Variants in ULK4 observed in about 807,000 individuals in gnomAD.
The protein encoded by ULK4 is inactive serine/threonine-protein kinase ULK4.
In ULK4, 133 loss-of-function variants were observed where a neutral mutation model predicts 160.6. The observed-to-expected ratio is 0.83, with a 90% CI of 0.72 to 0.96. ULK4 has a LOEUF of 0.96. Among genes scored for constraint, ULK4 ranks in the 40% least tolerant of loss-of-function variants. ULK4 has a pLI of 0.00. For missense variants in ULK4, 1,580 were observed against 1,499.5 expected (o/e 1.05, Z -0.89); for synonymous variants, 534 against 539.8 (o/e 0.99, Z 0.15).
chr3:41,569,866 T>C (rs2087910732), intron 31 of ULK4, among the ~76,000 whole-genome samples: 1 of 152,132 alleles, frequency 6.6e-6, no homozygotes, highest in South Asian at 2.1e-4. Flanking sequence ...TAGAATGGCA[T>C]TTCCCCGCCT....
At position 41,500,225 on chromosome 3, in the gene ULK4, T is replaced by A. The variant is rs528235192; in HGVS notation, c.3227-36972A>T. Among the ~76,000 whole-genome samples the A allele has an allele frequency of 5.9e-4, 67 of 113,590 alleles. No individual in the cohort carries two copies. In the Middle Eastern group the frequency reaches 0.017, roughly 29 times the overall value. The allele number at this position is 113,590 out of a possible 152,430, so 74.5% of individuals were successfully genotyped here. A position where few individuals can be genotyped will look rare whatever the true frequency, so the allele number is the denominator to read the frequency against. ...TTTCTTCCTTCTACTTCCTTCAGGG[T>A]TTTTTTTTTCTAGCTTCCTAAATTG... is the stretch of plus-strand genomic sequence containing the variant. On this transcript the variant is annotated intron_variant, in intron 32 of 36. Coordinates refer to ENST00000301831, the MANE Select transcript of ULK4 (RefSeq NM_017886.4).
At chr3:41,556,750 G>A (rs7627514) in intron 32 of ULK4, among the ~76,000 whole-genome samples, 77,471 of 151,796 alleles carry the variant, frequency 0.51, 19,882 homozygotes, top group Middle Eastern at 0.59. Context: ...GCCTCCAAAA[G>A]TGCTGGGATT....
intron 5 of ULK4, 152 bp from the exon 6 acceptor site, chr3:41,919,970 T>C (rs1226423442): frequency 9.9e-6 from 5 of 503,690 alleles, no homozygotes; most frequent in Non-Finnish European, 1.4e-5. Flanking sequence ...TTTAAATGTT[T>C]TCTAATTTTA....
rs535080088 is a variant in ULK4, at chr3:41,567,027, C to T, written c.3121-897G>A. ...CTAGCTTGCCCTGCTCTACGTCCTG[C>T]GCCCATTCACCATGACTATTCTGCT... is the stretch of plus-strand genomic sequence containing the variant. On this transcript the variant is annotated intron_variant, in intron 31 of 36. Coordinates refer to ENST00000301831, the MANE Select transcript of ULK4 (RefSeq NM_017886.4). 2.0e-5 allele frequency among the ~76,000 whole-genome samples: 3 copies of T among 152,248 alleles called. No individual in the cohort carries two copies. In the South Asian group the frequency reaches 6.2e-4, roughly 32 times the overall value.
chr3:41,514,527 C>A (rs1477245443), intron 32 of ULK4, among the ~76,000 whole-genome samples: 1 of 152,092 alleles, frequency 6.6e-6, no homozygotes, highest in East Asian at 1.9e-4. Flanking sequence ...GATATGAAAT[C>A]GACCTGGGTG....
intron 35 of ULK4, among the ~76,000 whole-genome samples, chr3:41,378,888 A>C (rs546750253): frequency 6.6e-6 from 1 of 152,274 alleles, no homozygotes; most frequent in Non-Finnish European, 1.5e-5. Flanking sequence ...AAAAAGAATG[A>C]GTTCAAGTCC....
At chr3:41,890,286 A>T (rs1158495908) in intron 16 of ULK4, among the ~76,000 whole-genome samples, 2 of 152,232 alleles carry the variant, frequency 1.3e-5, no homozygotes, top group Admixed American at 1.3e-4. Context: ...TTAAAAGAAA[A>T]GTCAAGAGAG....
intron 19 of ULK4, among the ~76,000 whole-genome samples, chr3:41,804,187 G>A (rs2040561984): frequency 6.6e-6 from 1 of 151,768 alleles, no homozygotes; most frequent in South Asian, 2.1e-4. Context: ...TCTAACTGGT[G>A]TGAGATGGTA....
intron 17 of ULK4, among the ~76,000 whole-genome samples, chr3:41,875,315 G>T (rs1697259719): frequency 6.6e-6 from 1 of 152,192 alleles, no homozygotes; most frequent in Non-Finnish European, 1.5e-5. Flanking sequence ...CACTTTGGGA[G>T]GCTGAGGTTA....
At chr3:41,871,811 G>A (rs1043942955) in intron 17 of ULK4, among the ~76,000 whole-genome samples, 2 of 152,084 alleles carry the variant, frequency 1.3e-5, no homozygotes, top group African/African-American at 2.4e-5. Context: ...AGGGTCTTTG[G>A]TGGAGCCAAT....
At chr3:41,517,940 C>T (rs1173788898) in intron 32 of ULK4, among the ~76,000 whole-genome samples, 1 of 152,202 alleles carries the variant, frequency 6.6e-6, no homozygotes, top group Non-Finnish European at 1.5e-5. Context: ...ATTAAGAATA[C>T]TCCTACTCTA....
At chr3:41,839,903 C>G (rs1377923773) in intron 17 of ULK4, among the ~76,000 whole-genome samples, 4 of 152,022 alleles carry the variant, frequency 2.6e-5, no homozygotes, top group African/African-American at 9.7e-5. Flanking sequence ...TGAAACTACA[C>G]AATGCTATTT....
chr3:41,589,673 C>T (rs1035632866), intron 31 of ULK4, among the ~76,000 whole-genome samples: 1 of 152,024 alleles, frequency 6.6e-6, no homozygotes. Context: ...AGCTTTAAAG[C>T]AAACCCCTAA....
chr3:41,504,286 A>G (rs2085307293), intron 32 of ULK4, among the ~76,000 whole-genome samples: 1 of 152,162 alleles, frequency 6.6e-6, no homozygotes, highest in African/African-American at 2.4e-5. Context: ...CACACAGGTT[A>G]TTTACTGTCT....
chr3:41,919,987 C>T (rs773502687), intron 5 of ULK4, among the ~76,000 whole-genome samples, 169 bp from the exon 6 acceptor site: 1 of 152,200 alleles, frequency 6.6e-6, no homozygotes, highest in African/African-American at 2.4e-5. Context: ...TTTAAGGTTA[C>T]ATTTTGCAAA....
intron 35 of ULK4, among the ~76,000 whole-genome samples, chr3:41,389,355 C>T (rs1575501321): frequency 6.6e-6 from 1 of 152,086 alleles, no homozygotes; most frequent in African/African-American, 2.4e-5. Context: ...TAATTGAATG[C>T]CCTTTATTTC....
chr3:41,961,403 A>C (rs529460320), intron 1 of ULK4, among the ~76,000 whole-genome samples: 2 of 152,196 alleles, frequency 1.3e-5, no homozygotes, highest in African/African-American at 4.8e-5. Flanking sequence ...GGTGACTGGG[A>C]TGCGCTCAAG....
At chr3:41,306,005 A>G (rs1185692872) in intron 35 of ULK4, among the ~76,000 whole-genome samples, 9 of 138,188 alleles carry the variant, frequency 6.5e-5, no homozygotes, top group Non-Finnish European at 6.2e-5. Flanking sequence ...TCTGAGAAGT[A>G]AGGAGCCCCT....
intron 34 of ULK4, among the ~76,000 whole-genome samples, chr3:41,438,402 C>A (rs565414464): frequency 5.9e-5 from 9 of 152,230 alleles, no homozygotes; most frequent in Admixed American, 2.0e-4. Flanking sequence ...GACAACTATA[C>A]AAGCATGTGA....
Sources: gnomAD v4.1 joint callset for allele counts (sites outside exome capture counted in the v4.1 genomes callset) on GRCh38, gnomAD v4.1.1 for gene constraint, MANE v1.5 for transcripts, NCBI Gene and HGNC (gene_info 2026-07-23, HGNC 2026-07-21) for gene names.